The following F9 variants were observed in gnomAD, a reference collection of about 807,000 sequenced individuals.
F9 encodes coagulation factor IX, also known as Christmas factor.
A neutral mutation model predicts 34.1 loss-of-function variants in F9; 2 were observed. The observed-to-expected ratio is 0.06, with a 90% CI of 0.02 to 0.18. The LOEUF (loss-of-function observed/expected upper bound fraction) is 0.18, where lower values mean the gene tolerates loss of function less well. Among genes scored for constraint, F9 ranks in the 10% least tolerant of loss-of-function variants. F9 has a pLI of 1.00. For missense variants in F9, 216 were observed against 345.1 expected (o/e 0.63, Z 2.96); for synonymous variants, 137 against 118.8 (o/e 1.15, Z -1.00).
intron 6 of F9, among the ~76,000 whole-genome samples, chrX:139,551,952 G>A (rs749353627): frequency 3.3e-4 from 37 of 111,892 alleles, no homozygotes; most frequent in Admixed American, 4.7e-4. Flanking sequence ...CACTTTGGGA[G>A]ACTGAGACGG....
intron 6 of F9, 46 bp downstream of exon 6, chrX:139,551,310 G>A: frequency 9.2e-7 from 1 of 1,083,843 alleles, no homozygotes; most frequent in Non-Finnish European, 1.3e-6. Context: ...CAGCTGGCAA[G>A]ACACAGGCCA....
intron 4 of F9, among the ~76,000 whole-genome samples, chrX:139,541,944 C>G (rs755126011): frequency 1.1e-4 from 12 of 111,838 alleles, no homozygotes; most frequent in African/African-American, 3.6e-4. Context: ...TGCAATATTA[C>G]TGGTACTGTG....
chrX:139,560,722 C>T lies in F9; in HGVS notation c.724-19C>T. 1.8e-6 allele frequency: 2 copies of T among 1,090,417 alleles called. No individual in the cohort carries two copies. The highest frequency in any genetic ancestry group is 4.4e-5 in the Admixed American group (2 of 45,837). The allele number at this position is 1,090,417 out of a possible 1,213,427, so 89.9% of individuals were successfully genotyped here. On this transcript the variant is annotated intron_variant, in intron 6 of 7. Transcript: ENST00000218099. Reference sequence around the variant, plus strand: ...ATCAAATGTATTATGCAGTAAGAGTCTTAATTTTGTTTTCACAGGTTGTTT... The same window carrying T: ...ATCAAATGTATTATGCAGTAAGAGTTTTAATTTTGTTTTCACAGGTTGTTT...
At chrX:139,548,724 T>C (rs773092113) in intron 5 of F9, among the ~76,000 whole-genome samples, 1 of 112,151 alleles carries the variant, frequency 8.9e-6, no homozygotes, top group South Asian at 3.7e-4. Flanking sequence ...CCAATTTTTT[T>C]CTCTAACATT....
At chrX:139,560,356 A>G (rs1416034572) in intron 6 of F9, among the ~76,000 whole-genome samples, 1 of 112,208 alleles carries the variant, frequency 8.9e-6, no homozygotes, top group Non-Finnish European at 1.9e-5. Context: ...CCTAATAACT[A>G]TTAATCTCAA....
At chrX:139,545,568 T>C (rs919860230) in intron 4 of F9, among the ~76,000 whole-genome samples, 1 of 112,001 alleles carries the variant, frequency 8.9e-6, no homozygotes, top group Non-Finnish European at 1.9e-5. Context: ...ACGAAAGTGA[T>C]ACCTAAAATA....
At chrX:139,553,812 C>CA (rs3073312) in intron 6 of F9, among the ~76,000 whole-genome samples, 1,059 of 11,625 alleles carry the variant, frequency 0.091, 57 homozygotes, top group Non-Finnish European at 0.13. Flanking sequence ...GACTCCGTCT[C>CA]AAAAAAAAAA....
intron 4 of F9, among the ~76,000 whole-genome samples, chrX:139,542,959 G>T (rs906947343): frequency 2.7e-5 from 3 of 111,058 alleles, no homozygotes; most frequent in Admixed American, 9.7e-5. Context: ...AGCCCAGTTA[G>T]CTCACAAACA....
chrX:139,560,633 C>T, intron 6 of F9, 108 bp from the exon 7 acceptor site: 1 of 553,869 alleles, frequency 1.8e-6, no homozygotes, highest in Non-Finnish European at 3.2e-6. Context: ...CCATTTCTGC[C>T]AGCACCTAGA....
At chrX:139,535,525 G>A (rs192722491) in intron 1 of F9, among the ~76,000 whole-genome samples, 6 of 111,580 alleles carry the variant, frequency 5.4e-5, no homozygotes, top group Non-Finnish European at 9.4e-5. Flanking sequence ...GTTCATCTCC[G>A]TTTCTTTCCT....
chrX:139,557,962 A>G (rs1179829671), intron 6 of F9, among the ~76,000 whole-genome samples: 1 of 111,614 alleles, frequency 9.0e-6, no homozygotes, highest in Admixed American at 9.4e-5. Flanking sequence ...TCGACCTCCC[A>G]CTCCCCTACC....
At chrX:139,556,039 C>T (rs1187832555) in intron 6 of F9, among the ~76,000 whole-genome samples, 3 of 111,420 alleles carry the variant, frequency 2.7e-5, no homozygotes, top group African/African-American at 9.8e-5. Flanking sequence ...AAATTCCTCC[C>T]ACATTTCCGA....
At chrX:139,536,217 A>ATATATATGTACACACATATATG (rs1556435409) in intron 1 of F9, among the ~76,000 whole-genome samples, 16 of 102,816 alleles carry the variant, frequency 1.6e-4, no homozygotes, top group African/African-American at 6.1e-4. Context: ...ATACACACAC[A>ATATATATGTACACACATATATG]TATATATGTA....
At position 139,537,840 on chromosome X, in the gene F9, G is replaced by A. The variant is rs190647705; in HGVS notation, c.277+454G>A. Among the ~76,000 whole-genome samples the A allele has an allele frequency of 2.3e-3, 252 of 110,753 alleles. 1 individual carries two copies. Among genetic ancestry groups the A allele is most frequent in the African/African-American group, 7.7e-3 (236 of 30,481 alleles). On this transcript the variant is annotated intron_variant, in intron 3 of 7. Coordinates refer to ENST00000218099, the MANE Select transcript of F9 (RefSeq NM_000133.4). ...CTGCTACTTCTCTCCTCGCACACTG[G>A]GCTCCAGCCACCCTGGCCTTCCTGT... is the stretch of plus-strand genomic sequence containing the variant.
chrX:139,562,144 C>T lies in F9; in HGVS notation c.*73C>T. ...GGGCCTCTCACTAACTAATCACTTT[C>T]CCATCTTTTGTTAGATTTGAATATA... On this transcript the variant is annotated 3_prime_UTR_variant, in exon 8 of 8. Transcript: ENST00000218099. 2 of 920,708 alleles carry T rather than the reference C, an allele frequency of 2.2e-6. No individual in the cohort carries two copies. Among genetic ancestry groups the T allele is most frequent in the Non-Finnish European group, 3.1e-6 (2 of 639,771 alleles). The allele number at this position is 920,708 out of a possible 1,213,427, so 75.9% of individuals were successfully genotyped here.
chrX:139,536,208 TAC>T lies in F9; in HGVS notation c.89-794_89-793del, dbSNP rs749471322. On this transcript the variant is annotated intron_variant, in intron 1 of 7. Transcript: ENST00000218099. ...ATGTGTACATATATGTATACATATA[TAC>T]ACACACATATATATGTACACACATA... 6.1e-4 allele frequency among the ~76,000 whole-genome samples: 52 copies of T among 84,869 alleles called. No homozygotes were observed. In the East Asian group the frequency reaches 0.012, roughly 19 times the overall value. 73.7% of individuals were successfully genotyped at this position (84,869 alleles called of 115,157 possible).
chrX:139,548,151 G>A (rs1463270937), intron 4 of F9, among the ~76,000 whole-genome samples: 1 of 111,381 alleles, frequency 9.0e-6, no homozygotes, highest in Non-Finnish European at 1.9e-5. Context: ...CAATTATAGT[G>A]CTACCATCAT....
chrX:139,533,270 C>A (rs1239884636), intron 1 of F9, among the ~76,000 whole-genome samples: 1 of 112,213 alleles, frequency 8.9e-6, no homozygotes, highest in African/African-American at 3.2e-5. Flanking sequence ...AGAACTGGCT[C>A]TTTAGTCTGA....
At chrX:139,546,584 T>C (rs1926413597) in intron 4 of F9, among the ~76,000 whole-genome samples, 1 of 111,839 alleles carries the variant, frequency 8.9e-6, no homozygotes, top group Non-Finnish European at 1.9e-5. Context: ...TGATTGTACA[T>C]ATAGAAAACC....
Sources: allele counts gnomAD v4.1 joint callset (sites outside exome capture counted in the v4.1 genomes callset), GRCh38; gene constraint gnomAD v4.1.1; transcripts MANE v1.5; gene names NCBI Gene and HGNC (gene_info 2026-07-23, HGNC 2026-07-21).